RIT2: variants seen among roughly 807,000 people sequenced by gnomAD.
RIT2 encodes the protein GTP-binding protein Rit2.
In RIT2, 24 loss-of-function variants were observed where a neutral mutation model predicts 23.7. The observed-to-expected ratio is 1.01, with a 90% CI of 0.73 to 1.43. The LOEUF is 1.43. Among genes scored for constraint, RIT2 ranks in the 40% most tolerant of loss-of-function variants. RIT2 has a pLI of 0.00. For missense variants in RIT2, 236 were observed against 266.9 expected (o/e 0.88, Z 0.81); for synonymous variants, 107 against 91.1 (o/e 1.17, Z -0.99).
chr18:43,102,814 C>T (rs530163238), intron 1 of RIT2, among the ~76,000 whole-genome samples: 2 of 151,744 alleles, frequency 1.3e-5, no homozygotes, highest in African/African-American at 2.4e-5. Flanking sequence ...CCACCAGAGC[C>T]GGATAATTTT....
intron 1 of RIT2, among the ~76,000 whole-genome samples, chr18:43,040,599 A>T (rs1282755466): frequency 6.6e-6 from 1 of 152,168 alleles, no homozygotes; most frequent in South Asian, 2.1e-4. Context: ...ATGTTAAGTA[A>T]AAAAAGTGCC....
intron 2 of RIT2, among the ~76,000 whole-genome samples, chr18:43,006,804 T>C (rs1911238989): frequency 6.6e-6 from 1 of 151,566 alleles, no homozygotes; most frequent in Admixed American, 6.6e-5. Flanking sequence ...TAATTCAAGA[T>C]GATTTTCTGG....
chr18:42,905,002 G>C (rs1908573155), intron 4 of RIT2, among the ~76,000 whole-genome samples: 1 of 152,148 alleles, frequency 6.6e-6, no homozygotes, highest in Non-Finnish European at 1.5e-5. Context: ...ACATAAATTA[G>C]TGCAATTGTT....
chr18:43,068,784 C>CAA (rs58558962), intron 1 of RIT2, among the ~76,000 whole-genome samples: 10 of 151,324 alleles, frequency 6.6e-5, no homozygotes, highest in East Asian at 2.0e-4. Context: ...TTCATAAATA[C>CAA]AAAAAAAAAA....
intron 1 of RIT2, among the ~76,000 whole-genome samples, chr18:43,078,122 C>T (rs958842272): frequency 1.3e-5 from 2 of 152,194 alleles, no homozygotes; most frequent in African/African-American, 2.4e-5. Flanking sequence ...CCATGGACAG[C>T]TAAGCTTTCT....
At chr18:42,964,656 C>A (rs1434818628) in intron 3 of RIT2, among the ~76,000 whole-genome samples, 1 of 152,292 alleles carries the variant, frequency 6.6e-6, no homozygotes, top group East Asian at 1.9e-4. Flanking sequence ...TTCTCAATAT[C>A]CTGCCCTTTC....
chr18:43,113,226 C>T (rs1406705930), intron 1 of RIT2, among the ~76,000 whole-genome samples: 1 of 152,062 alleles, frequency 6.6e-6, no homozygotes, highest in East Asian at 1.9e-4. Flanking sequence ...GTCCAAGGAC[C>T]AGATGATTTT....
intron 4 of RIT2, chr18:42,923,367 G>T: frequency 1.7e-6 from 1 of 571,480 alleles, no homozygotes. Context: ...GCACTAGTAA[G>T]GGCACTCTGC....
At chr18:43,087,985 AG>A (rs1466630300) in intron 1 of RIT2, among the ~76,000 whole-genome samples, 2 of 152,214 alleles carry the variant, frequency 1.3e-5, no homozygotes, top group Admixed American at 1.3e-4. Flanking sequence ...CATTAATATT[AG>A]CCTAGTGTAT....
rs182458437 is a variant in RIT2, at chr18:42,964,261, A to G, written c.234+9813T>C. On this transcript the variant is annotated intron_variant, in intron 3 of 4. Coordinates refer to ENST00000326695, the MANE Select transcript of RIT2 (RefSeq NM_002930.4). ...TCAATCAATCAATCTTCAGGCCTCA[A>G]AATCATTAAGCCAAAGGGAAAAGTT... Among the ~76,000 whole-genome samples, 809 of 152,108 alleles carry G rather than the reference A, an allele frequency of 5.3e-3. 5 individuals are homozygous for G. The highest frequency in any genetic ancestry group is 0.019 in the African/African-American group (779 of 41,508).
At chr18:42,889,004 T>C (rs1908101843) in intron 4 of RIT2, among the ~76,000 whole-genome samples, 1 of 152,036 alleles carries the variant, frequency 6.6e-6, no homozygotes, top group African/African-American at 2.4e-5. Context: ...CCCACCATCA[T>C]ACAATATTCT....
chr18:42,940,236 C>CTATATATA (rs5824460), intron 3 of RIT2, among the ~76,000 whole-genome samples: 5,519 of 86,480 alleles, frequency 0.064, 297 homozygotes, highest in East Asian at 0.2. Flanking sequence ...GAAAGGCTCA[C>CTATATATA]TATATATATA....
chr18:42,933,293 G>GAAA (rs1909372930), intron 3 of RIT2, among the ~76,000 whole-genome samples: 1 of 151,644 alleles, frequency 6.6e-6, no homozygotes, highest in Non-Finnish European at 1.5e-5. Context: ...GGAGAAAAAT[G>GAAA]TTTTAAAATT....
intron 1 of RIT2, among the ~76,000 whole-genome samples, chr18:43,094,296 C>T (rs185097117): frequency 7.2e-5 from 11 of 151,822 alleles, no homozygotes; most frequent in Admixed American, 2.0e-4. Flanking sequence ...CAAAATCTGA[C>T]TTGGAGATGG....
chr18:42,878,499 G>C (rs1175622468), intron 4 of RIT2, among the ~76,000 whole-genome samples: 1 of 151,854 alleles, frequency 6.6e-6, no homozygotes, highest in Non-Finnish European at 1.5e-5. Flanking sequence ...GGGTGAAAGA[G>C]ATAGAAGAAA....
At chr18:42,937,698 C>T (rs567587081) in intron 3 of RIT2, among the ~76,000 whole-genome samples, 198 of 152,024 alleles carry the variant, frequency 1.3e-3, no homozygotes, top group African/African-American at 4.2e-3. Context: ...TTTAGATTGA[C>T]GGGAAAAGAT....
At chr18:42,756,561 C>T (rs1387976045) in intron 4 of RIT2, among the ~76,000 whole-genome samples, 1 of 151,992 alleles carries the variant, frequency 6.6e-6, no homozygotes, top group Admixed American at 6.6e-5. Context: ...GAATTTTTCT[C>T]CTAAAGATTT....
intron 1 of RIT2, among the ~76,000 whole-genome samples, chr18:43,106,538 T>C (rs1913826823): frequency 6.6e-6 from 1 of 152,196 alleles, no homozygotes; most frequent in Non-Finnish European, 1.5e-5. Flanking sequence ...TCATTTCAGT[T>C]CAATTAAAGA....
chr18:43,024,021 A>T (rs1208441580), intron 2 of RIT2, among the ~76,000 whole-genome samples: 1 of 152,110 alleles, frequency 6.6e-6, no homozygotes, highest in Non-Finnish European at 1.5e-5. Context: ...TAGTAAGGAC[A>T]TCAAATAAAT....
Sources: allele counts gnomAD v4.1 joint callset (sites outside exome capture counted in the v4.1 genomes callset), GRCh38; gene constraint gnomAD v4.1.1; transcripts MANE v1.5; gene names NCBI Gene and HGNC (gene_info 2026-07-23, HGNC 2026-07-21).